CCSER2: variants seen among roughly 807,000 people sequenced by gnomAD.
CCSER2 encodes the protein coiled-coil serine rich protein 2.
CCSER2 carries 46 observed loss-of-function variants against 92.3 expected under a neutral mutation model. The ratio of observed to expected loss-of-function variants is 0.50; its 90% CI spans 0.39 to 0.64. The LOEUF is 0.64. Ranked by LOEUF, CCSER2 falls within the 30% of genes least tolerant of loss-of-function variation. CCSER2 has a pLI of 0.00. For synonymous variants in CCSER2, 433 were observed against 431.4 expected (o/e 1.00, Z -0.04); for missense variants, 1,244 against 1,238.9 (o/e 1.00, Z -0.06).
chr10:84,466,131 A>G (rs1450914089), intron 7 of CCSER2, among the ~76,000 whole-genome samples: 3 of 152,208 alleles, frequency 2.0e-5, no homozygotes. Context: ...ATTTAAGCTG[A>G]GTTGCAATAG....
chr10:84,475,751 C>T (rs924490924), intron 8 of CCSER2, among the ~76,000 whole-genome samples: 5 of 152,110 alleles, frequency 3.3e-5, no homozygotes, highest in African/African-American at 1.2e-4. Flanking sequence ...TTTTCTGTTC[C>T]TCATATACCC....
At chr10:84,511,873 C>T (rs777205865) in intron 9 of CCSER2, among the ~76,000 whole-genome samples, 21 of 152,146 alleles carry the variant, frequency 1.4e-4, no homozygotes, top group Non-Finnish European at 2.8e-4. Flanking sequence ...TGTTGATGTG[C>T]TGTGAAAATA....
chr10:84,329,589 A>C (rs546307823), intron 1 of CCSER2, among the ~76,000 whole-genome samples: 128 of 152,302 alleles, frequency 8.4e-4, no homozygotes, highest in African/African-American at 3.0e-3. Context: ...GCCATATGAA[A>C]AGCATTCCTT....
At chr10:84,441,736 GTTTTTTTTTTTTTTTTTTTT>G (rs869280119) in intron 6 of CCSER2, among the ~76,000 whole-genome samples, 477 of 43,634 alleles carry the variant, frequency 0.011, 5 homozygotes, top group African/African-American at 0.033. Context: ...CTGGGAAAAT[GTTTTTTTTTTTTTTTTTTTT>G]TTTTTTTTTT....
chr10:84,330,569 A>G (rs755203710), intron 1 of CCSER2, among the ~76,000 whole-genome samples: 3 of 152,076 alleles, frequency 2.0e-5, no homozygotes, highest in South Asian at 2.1e-4. Flanking sequence ...CTGGAGTGCA[A>G]TGGCCTCATC....
chr10:84,455,636 C>A, intron 6 of CCSER2: 1 of 640,968 alleles, frequency 1.6e-6, no homozygotes, highest in East Asian at 3.0e-5. Context: ...TTTTGAACTG[C>A]CTTCCACAGA....
At chr10:84,401,450 C>T (rs1842114702) in intron 3 of CCSER2, among the ~76,000 whole-genome samples, 2 of 152,094 alleles carry the variant, frequency 1.3e-5, no homozygotes, top group South Asian at 4.2e-4. Flanking sequence ...CTTGAGTGGA[C>T]CAATTCCTTA....
intron 3 of CCSER2, among the ~76,000 whole-genome samples, chr10:84,414,554 G>A (rs1842803633): frequency 6.6e-6 from 1 of 151,954 alleles, no homozygotes; most frequent in African/African-American, 2.4e-5. Flanking sequence ...TAGATGACCT[G>A]GTCTTTGTCT....
intron 3 of CCSER2, among the ~76,000 whole-genome samples, chr10:84,390,520 A>G (rs1841461898): frequency 6.6e-6 from 1 of 152,216 alleles, no homozygotes; most frequent in Non-Finnish European, 1.5e-5. Context: ...AGCATATCTA[A>G]ATATAGAAAA....
intron 8 of CCSER2, among the ~76,000 whole-genome samples, chr10:84,473,966 A>G (rs1451942141): frequency 6.6e-6 from 1 of 152,202 alleles, no homozygotes; most frequent in African/African-American, 2.4e-5. Flanking sequence ...CTTCATAAAA[A>G]TACGTTGACA....
At chr10:84,417,950 T>G (rs1842961288) in intron 4 of CCSER2, 89 bp downstream of exon 4, 1 of 730,868 alleles carries the variant, frequency 1.4e-6, no homozygotes, top group African/African-American at 1.7e-5. Flanking sequence ...GCAGACTTCT[T>G]AATCTTAATG....
intron 7 of CCSER2, 123 bp from the exon 8 acceptor site, chr10:84,470,249 T>A (rs1049787242): frequency 1.3e-5 from 6 of 470,342 alleles, no homozygotes; most frequent in Admixed American, 5.2e-5. Context: ...GATTTTTTTT[T>A]AATAGAGGAT....
intron 7 of CCSER2, among the ~76,000 whole-genome samples, chr10:84,468,495 G>T (rs1468612425): frequency 6.6e-6 from 1 of 152,146 alleles, no homozygotes; most frequent in Non-Finnish European, 1.5e-5. Flanking sequence ...ACAATGAAAT[G>T]GTTTTGGTGG....
At chr10:84,502,448 T>A (rs1848812738) in intron 9 of CCSER2, among the ~76,000 whole-genome samples, 1 of 148,674 alleles carries the variant, frequency 6.7e-6, no homozygotes, top group South Asian at 2.2e-4. Flanking sequence ...CTCAGCTCAC[T>A]GCAAGCTCCG....
intron 3 of CCSER2, among the ~76,000 whole-genome samples, chr10:84,401,501 A>AT (rs1842118878): frequency 6.6e-6 from 1 of 152,230 alleles, no homozygotes; most frequent in African/African-American, 2.4e-5. Flanking sequence ...TGAAATAGAT[A>AT]ATTTGAATAG....
At chr10:84,379,067 G>C (rs1356701038) in intron 3 of CCSER2, among the ~76,000 whole-genome samples, 1 of 152,106 alleles carries the variant, frequency 6.6e-6, no homozygotes, top group East Asian at 1.9e-4. Context: ...TATTCCTTAG[G>C]TATGTAAAAG....
At chr10:84,376,224 T>C (rs1014330545) in intron 3 of CCSER2, among the ~76,000 whole-genome samples, 29 of 152,182 alleles carry the variant, frequency 1.9e-4, no homozygotes, top group Non-Finnish European at 1.0e-4. Context: ...GTTTACATGC[T>C]ACCAGTATTA....
At chr10:84,357,349 T>C (rs1256285475) in intron 1 of CCSER2, among the ~76,000 whole-genome samples, 3 of 152,230 alleles carry the variant, frequency 2.0e-5, no homozygotes, top group Non-Finnish European at 4.4e-5. Context: ...ACACCGTCCA[T>C]AGAAACCTTG....
chr10:84,336,495 C>A (rs1843844570), intron 1 of CCSER2, among the ~76,000 whole-genome samples: 3 of 152,132 alleles, frequency 2.0e-5, no homozygotes, highest in Admixed American at 2.0e-4. Flanking sequence ...GAACAGAGAT[C>A]TTGAAGAAAG....
Sources: gnomAD v4.1 joint callset for allele counts (sites outside exome capture counted in the v4.1 genomes callset) on GRCh38, gnomAD v4.1.1 for gene constraint, MANE v1.5 for transcripts, NCBI Gene and HGNC (gene_info 2026-07-23, HGNC 2026-07-21) for gene names.